DNAH5: variants seen among roughly 807,000 people sequenced by gnomAD.
The protein encoded by DNAH5 is axonemal beta dynein heavy chain 5.
DNAH5 carries 372 observed loss-of-function variants against 518.2 expected under a neutral mutation model. The ratio of observed to expected loss-of-function variants is 0.72; its 90% CI spans 0.66 to 0.78. The LOEUF (loss-of-function observed/expected upper bound fraction) is 0.78. Ranked by LOEUF, DNAH5 falls within the 30% of genes least tolerant of loss-of-function variation. DNAH5 has a pLI of 0.00. For synonymous variants in DNAH5, 2,039 were observed against 2,025.9 expected (o/e 1.01, Z -0.17); for missense variants, 5,523 against 5,687.0 (o/e 0.97, Z 0.93).
At chr5:13,805,050 C>G (rs1759368063) in intron 47 of DNAH5, among the ~76,000 whole-genome samples, 1 of 152,118 alleles carries the variant, frequency 6.6e-6, no homozygotes, top group Admixed American at 6.5e-5. Context: ...TCTTTAAACC[C>G]TGGAAATTTC....
At chr5:13,811,453 T>A (rs1267292092) in intron 44 of DNAH5, among the ~76,000 whole-genome samples, 194 bp downstream of exon 44, 1 of 152,288 alleles carries the variant, frequency 6.6e-6, no homozygotes, top group East Asian at 1.9e-4. Flanking sequence ...TAAAGGGATA[T>A]GAAAAAATAA....
At chr5:13,842,357 G>A (rs1040702995) in intron 32 of DNAH5, among the ~76,000 whole-genome samples, 1 of 150,830 alleles carries the variant, frequency 6.6e-6, no homozygotes, top group Non-Finnish European at 1.5e-5. Context: ...TCCAGGCTGG[G>A]CAACAAGAGC....
chr5:13,849,958 G>A (rs1046395634), intron 31 of DNAH5, among the ~76,000 whole-genome samples: 17 of 152,118 alleles, frequency 1.1e-4, no homozygotes, highest in African/African-American at 4.1e-4. Flanking sequence ...GGACAAGCTG[G>A]TTATTCACAG....
chr5:13,752,270 T>C lies in DNAH5; in HGVS notation c.10892A>G (p.Lys3631Arg). 6.2e-7 allele frequency: 1 copy of C among 1,614,048 alleles called. No individual in the cohort carries two copies. The highest frequency in any genetic ancestry group is 8.5e-7 in the Non-Finnish European group (1 of 1,179,954). Reference protein sequence around the residue: ...NELQITSLNHKYFRNHLEDSL... With the variant: ...NELQITSLNHRYFRNHLEDSL... ...GTCTTCCAGGTGGTTTCTGAAGTAC[T>C]TGTGATTTAAAGACGTGATCTAGGA... Residue 3631 changes from lysine (K) to arginine (R), a missense_variant, in exon 64 of 79, where the codon AAG becomes AGG. Coordinates refer to ENST00000265104, the MANE Select transcript of DNAH5 (RefSeq NM_001369.3).
At chr5:13,804,642 C>T (rs557975316) in intron 47 of DNAH5, among the ~76,000 whole-genome samples, 1 of 152,296 alleles carries the variant, frequency 6.6e-6, no homozygotes, top group African/African-American at 2.4e-5. Context: ...GTGGATGATC[C>T]TGTGATGCTT....
chr5:13,916,508 C>G, intron 8 of DNAH5, 53 bp from the exon 9 acceptor site: 1 of 893,072 alleles, frequency 1.1e-6, no homozygotes, highest in Non-Finnish European at 1.9e-6. Context: ...CAGCAAAATT[C>G]TAATAGACTA....
intron 1 of DNAH5, among the ~76,000 whole-genome samples, chr5:13,965,791 ATAT>A (rs1781484624): frequency 6.6e-6 from 1 of 152,178 alleles, no homozygotes; most frequent in Non-Finnish European, 1.5e-5. Flanking sequence ...AGTGAGCTGA[ATAT>A]TATTATTATT....
At chr5:13,961,141 C>G (rs1400982123) in intron 1 of DNAH5, among the ~76,000 whole-genome samples, 1 of 152,128 alleles carries the variant, frequency 6.6e-6, no homozygotes, top group East Asian at 1.9e-4. Context: ...TTCTATACCT[C>G]CCTCCCTTGA....
At chr5:13,924,505 G>A (rs1312338801) in intron 3 of DNAH5, among the ~76,000 whole-genome samples, 6 of 151,766 alleles carry the variant, frequency 4.0e-5, no homozygotes, top group Admixed American at 2.0e-4. Flanking sequence ...GAGAAACCCC[G>A]TCTCTACCAA....
At chr5:13,803,478 A>C (rs1308001712) in intron 47 of DNAH5, among the ~76,000 whole-genome samples, 1 of 152,180 alleles carries the variant, frequency 6.6e-6, no homozygotes, top group African/African-American at 2.4e-5. Flanking sequence ...ATTGGAAGGA[A>C]GCATGTGGGT....
chr5:13,992,093 G>A lies in DNAH5; in HGVS notation c.12+19555C>T, dbSNP rs572581673. On this transcript the variant is annotated intron_variant, in intron 1 of 78. Coordinates refer to the DNAH5 transcript ENST00000681290. ...ACAAACTCACAGGGAATGAATCAAG[G>A]TTCCTTTTGCCCATTTGGCTTACAG... Among the ~76,000 whole-genome samples the A allele has an allele frequency of 2.6e-5, 4 of 152,278 alleles. No individual in the cohort carries two copies. In the South Asian group the frequency reaches 6.2e-4, roughly 24 times the overall value.
chr5:13,700,676 A>T lies in DNAH5; in HGVS notation c.13687T>A (p.Leu4563Met), dbSNP rs1243061261. ...GCATAAATCCTTATGACAGGCATCA[A>T]CTCAAAGAGCACTTTTGGCTTTGAT... ...IESKPKVLFE[L>M]MPVIRIYAEN... Residue 4563 changes from leucine to methionine, a missense_variant, in exon 78 of 79, where the codon TTG becomes ATG. By Grantham distance (15) the Leu-to-Met change is conservative (BLOSUM62 2). Around this residue, in one of 3 missense-constraint regions of DNAH5, gnomAD observed 387 missense variants for 430.0 expected, o/e 0.90. Transcript: ENST00000265104. The T allele has an allele frequency of 6.2e-7, 1 of 1,614,034 alleles. No homozygotes were observed. Among genetic ancestry groups the T allele is most frequent in the East Asian group, 2.2e-5 (1 of 44,892 alleles).
intron 30 of DNAH5, among the ~76,000 whole-genome samples, chr5:13,853,486 C>G (rs537249359): frequency 1.1e-4 from 16 of 152,176 alleles, no homozygotes; most frequent in East Asian, 1.9e-4. Flanking sequence ...AACAACTCCT[C>G]GCCAGCAAGG....
intron 1 of DNAH5, among the ~76,000 whole-genome samples, chr5:13,955,939 G>A (rs1435177255): frequency 2.0e-5 from 3 of 152,070 alleles, no homozygotes; most frequent in African/African-American, 7.2e-5. Context: ...CATGAGGGGA[G>A]GGAAAGTCCT....
rs547565318 is a variant in DNAH5, at chr5:13,780,583, T to C, written c.8951+246A>G. 1.1e-3 allele frequency among the ~76,000 whole-genome samples: 166 copies of C among 152,350 alleles called. 2 individuals carry two copies. Among genetic ancestry groups the C allele is most frequent in the African/African-American group, 3.6e-3 (150 of 41,584 alleles). On this transcript the variant is annotated intron_variant, in intron 53 of 78. Transcript: ENST00000265104. ...AAGTAGTGCATGTAATACACTATCATATATAACATAAAAGTAGGGAGGTGG... is the reference window on the plus strand; with the variant it reads ...AAGTAGTGCATGTAATACACTATCACATATAACATAAAAGTAGGGAGGTGG...
At position 13,766,131 on chromosome 5, in the gene DNAH5, G is replaced by A. The variant is rs920631802; in HGVS notation, c.9946C>T (p.Pro3316Ser). 1 of 1,614,222 alleles carries A rather than the reference G, an allele frequency of 6.2e-7. No homozygotes were observed. Among genetic ancestry groups the A allele is most frequent in the Non-Finnish European group, 8.5e-7 (1 of 1,180,018 alleles). The change falls in exon 59 of 79, where the codon CCT (proline) becomes TCT (serine). Residue 3316 changes from proline to serine, a missense_variant. By Grantham distance (74) the Pro-to-Ser change is moderately conservative (BLOSUM62 -1). Around this residue, in one of 3 missense-constraint regions of DNAH5, gnomAD observed 5,121 missense variants for 5,223.3 expected, o/e 0.98. Transcript: ENST00000265104. ...IATVRTLGRP[P>S]HLIMRIMDCV... ...TCCATGATCCGCATGATGAGGTGAG[G>A]GGGGCGGCCCAACGTGCGAACAGTG...
At chr5:13,794,847 G>C (rs1178570279) in intron 47 of DNAH5, among the ~76,000 whole-genome samples, 1 of 152,142 alleles carries the variant, frequency 6.6e-6, no homozygotes, top group African/African-American at 2.4e-5. Flanking sequence ...GATGCCTGTA[G>C]TCCCAGCTAT....
chr5:13,708,366 A>T, intron 75 of DNAH5, 31 bp from the exon 76 acceptor site: 6 of 1,609,226 alleles, frequency 3.7e-6, no homozygotes, highest in Non-Finnish European at 5.1e-6. Flanking sequence ...GCACATGTTA[A>T]CAATTAGCTA....
At chr5:13,734,542 C>T (rs1747076401) in intron 68 of DNAH5, among the ~76,000 whole-genome samples, 1 of 152,172 alleles carries the variant, frequency 6.6e-6, no homozygotes, top group Non-Finnish European at 1.5e-5. Flanking sequence ...CCGCTTCACT[C>T]ATCACCCAGT....
Sources: allele counts gnomAD v4.1 joint callset (sites outside exome capture counted in the v4.1 genomes callset), GRCh38; gene constraint gnomAD v4.1.1; regional missense constraint gnomAD v4.1.1; transcripts MANE v1.5; gene names NCBI Gene and HGNC (gene_info 2026-07-23, HGNC 2026-07-21).